The following RAB3C variants were observed in gnomAD, a reference collection of about 807,000 sequenced individuals.
RAB3C encodes the protein RAB3C, member RAS oncogene family.
In RAB3C, 17 loss-of-function variants were observed where a neutral mutation model predicts 26.4. The observed-to-expected ratio is 0.64, with a 90% CI of 0.44 to 0.97. The LOEUF is 0.97. Among genes scored for constraint, RAB3C ranks in the 50% least tolerant of loss-of-function variants. The probability of loss-of-function intolerance (pLI) is 0.00; values close to 1 mark genes in which losing one functional copy is unlikely to be tolerated. For missense variants in RAB3C, 242 were observed against 281.9 expected (o/e 0.86, Z 1.01); for synonymous variants, 91 against 95.9 (o/e 0.95, Z 0.30).
chr5:58,689,106 G>A (rs1212271403), intron 2 of RAB3C, among the ~76,000 whole-genome samples: 1 of 152,094 alleles, frequency 6.6e-6, no homozygotes, highest in Non-Finnish European at 1.5e-5. Context: ...GAAAGCTGAA[G>A]CCTAGAGAGA....
intron 2 of RAB3C, among the ~76,000 whole-genome samples, chr5:58,633,317 C>A (rs766724218): frequency 2.3e-4 from 35 of 152,260 alleles, no homozygotes; most frequent in South Asian, 2.1e-4. Context: ...ATGGGGTAAG[C>A]CCCTTTAGAG....
chr5:58,745,645 C>T (rs915438324), intron 3 of RAB3C, among the ~76,000 whole-genome samples: 13 of 152,130 alleles, frequency 8.5e-5, no homozygotes, highest in Non-Finnish European at 1.9e-4. Context: ...AGGCCAGCCA[C>T]GAGGCAGGTA....
At chr5:58,594,028 C>T (rs770343157) in intron 1 of RAB3C, among the ~76,000 whole-genome samples, 1 of 152,128 alleles carries the variant, frequency 6.6e-6, no homozygotes, top group East Asian at 1.9e-4. Flanking sequence ...TCTGGCTACC[C>T]GAATCATAAT....
At chr5:58,788,877 G>A (rs944973462) in intron 3 of RAB3C, among the ~76,000 whole-genome samples, 1 of 152,164 alleles carries the variant, frequency 6.6e-6, no homozygotes, top group Admixed American at 6.5e-5. Flanking sequence ...TCTTTCCTAA[G>A]TGGTTTCCAT....
intron 3 of RAB3C, 101 bp from the exon 4 acceptor site, chr5:58,824,937 C>A: frequency 4.5e-6 from 3 of 659,528 alleles, no homozygotes; most frequent in Non-Finnish European, 7.1e-6. Context: ...TTTTTTTTTT[C>A]CTTTTGCTAC....
chr5:58,682,066 G>A (rs531781138), intron 2 of RAB3C, among the ~76,000 whole-genome samples: 1 of 152,280 alleles, frequency 6.6e-6, no homozygotes, highest in East Asian at 1.9e-4. Flanking sequence ...GAAGTGATAT[G>A]TCATGAGGAG....
intron 2 of RAB3C, among the ~76,000 whole-genome samples, chr5:58,648,726 T>C (rs1424600404): frequency 6.6e-6 from 1 of 152,194 alleles, no homozygotes; most frequent in Non-Finnish European, 1.5e-5. Context: ...TGCCATATTT[T>C]TATCAGAGCA....
At chr5:58,695,532 A>C (rs1311533410) in intron 2 of RAB3C, among the ~76,000 whole-genome samples, 1 of 152,210 alleles carries the variant, frequency 6.6e-6, no homozygotes, top group Non-Finnish European at 1.5e-5. Flanking sequence ...CATTTTCACA[A>C]TACTGATTCT....
intron 3 of RAB3C, among the ~76,000 whole-genome samples, chr5:58,730,743 C>T (rs1390371114): frequency 6.6e-6 from 1 of 152,054 alleles, no homozygotes; most frequent in Non-Finnish European, 1.5e-5. Flanking sequence ...GTTCCCTTTT[C>T]AAAAAACATT....
chr5:58,838,687 T>TATCA (rs1266191435), intron 4 of RAB3C, among the ~76,000 whole-genome samples: 1 of 152,220 alleles, frequency 6.6e-6, no homozygotes, highest in Non-Finnish European at 1.5e-5. Context: ...TGAGATGTTC[T>TATCA]ATCAATGTCT....
Position 58,597,770 on chromosome 5 carries a change from ATAATACATTATATATAAGTATATAACATG to A in RAB3C, c.24+14561_24+14589del, listed in dbSNP as rs1561261255. ...TACATTATATATAAGTATATAACAT[ATAATACATTATATATAAGTATATAACATG>A]TAATACATTATATATAAGTATACGA... On this transcript the variant is annotated intron_variant, in intron 1 of 4. Transcript: ENST00000282878. Among the ~76,000 whole-genome samples the A allele has an allele frequency of 7.7e-3, 818 of 105,666 alleles. 188 individuals are homozygous for A. Among genetic ancestry groups the A allele is most frequent in the East Asian group, 0.036 (145 of 3,994 alleles). The allele number at this position is 105,666 out of a possible 152,430, so 69.3% of individuals were successfully genotyped here.
intron 2 of RAB3C, among the ~76,000 whole-genome samples, chr5:58,640,184 G>A (rs1747384785): frequency 6.6e-6 from 1 of 152,154 alleles, no homozygotes; most frequent in Admixed American, 6.5e-5. Flanking sequence ...AGCCTCTCCT[G>A]GTTCCTTTCC....
chr5:58,700,953 AC>A, intron 2 of RAB3C, among the ~76,000 whole-genome samples: 1 of 151,880 alleles, frequency 6.6e-6, no homozygotes, highest in South Asian at 2.1e-4. Flanking sequence ...CTTTTGAGGT[AC>A]TCCAGCTTAA....
At chr5:58,794,847 A>C (rs1413762728) in intron 3 of RAB3C, among the ~76,000 whole-genome samples, 1 of 152,206 alleles carries the variant, frequency 6.6e-6, no homozygotes, top group East Asian at 1.9e-4. Context: ...AACTTATTTA[A>C]AATGCTGATT....
intron 3 of RAB3C, among the ~76,000 whole-genome samples, chr5:58,763,774 C>T (rs1293652204): frequency 6.6e-6 from 1 of 152,128 alleles, no homozygotes; most frequent in African/African-American, 2.4e-5. Flanking sequence ...AAGTTATTTA[C>T]TTTCACTCTA....
At chr5:58,841,360 C>T (rs1743871283) in intron 4 of RAB3C, among the ~76,000 whole-genome samples, 1 of 152,202 alleles carries the variant, frequency 6.6e-6, no homozygotes, top group South Asian at 2.1e-4. Flanking sequence ...ATAGCTGATT[C>T]TGGGCCCAGG....
intron 2 of RAB3C, among the ~76,000 whole-genome samples, chr5:58,716,098 A>G (rs1483091633): frequency 1.3e-5 from 2 of 151,850 alleles, no homozygotes; most frequent in African/African-American, 2.4e-5. Flanking sequence ...CAGGAAAAAA[A>G]AAAAAGAAAT....
At position 58,795,478 on chromosome 5, in the gene RAB3C, A is replaced by G. The variant is rs556818087; in HGVS notation, c.372-29560A>G. 8.5e-4 allele frequency among the ~76,000 whole-genome samples: 129 copies of G among 152,210 alleles called. 1 individual carries two copies. The highest frequency in any genetic ancestry group is 1.8e-3 in the Admixed American group (27 of 15,276). On this transcript the variant is annotated intron_variant, in intron 3 of 4. Transcript: ENST00000282878. ...TAGGAAGCCACACTCCAGCCTACCC[A>G]TCCTGGCCTGCTGTGTAACTTTCAA...
chr5:58,824,748 A>C (rs1031495594), intron 3 of RAB3C, among the ~76,000 whole-genome samples: 5 of 152,214 alleles, frequency 3.3e-5, no homozygotes, highest in African/African-American at 1.2e-4. Flanking sequence ...CTATTACATA[A>C]GGTGGGGTAA....
Sources: gnomAD v4.1 joint callset for allele counts (sites outside exome capture counted in the v4.1 genomes callset) on GRCh38, gnomAD v4.1.1 for gene constraint, MANE v1.5 for transcripts, NCBI Gene and HGNC (gene_info 2026-07-23, HGNC 2026-07-21) for gene names.